MYO1H: variants seen among roughly 807,000 people sequenced by gnomAD.
MYO1H encodes the protein unconventional myosin-Ih.
Under a neutral mutation model 149.3 loss-of-function variants are expected in MYO1H, and 118 were observed. That is an observed-to-expected ratio of 0.79 (90% CI 0.68 to 0.92). The LOEUF is 0.92. Ranked by LOEUF, MYO1H falls within the 40% of genes least tolerant of loss-of-function variation. The pLI is 0.00. For missense variants in MYO1H, 1,212 were observed against 1,280.7 expected, an observed-to-expected ratio of 0.95 and a Z score of 0.82; for synonymous variants, 447 against 465.2, an observed-to-expected ratio of 0.96 and a Z score of 0.50.
intron 6 of MYO1H, among the ~76,000 whole-genome samples, chr12:109,402,248 C>T (rs1358308234): frequency 6.6e-6 from 1 of 152,220 alleles, no homozygotes; most frequent in African/African-American, 2.4e-5. Context: ...GATTGTAAGG[C>T]ACGTCTCAGC....
intron 5 of MYO1H, among the ~76,000 whole-genome samples, chr12:109,398,599 A>C (rs532204172): frequency 6.6e-6 from 1 of 151,722 alleles, no homozygotes; most frequent in Non-Finnish European, 1.5e-5. Flanking sequence ...AAATACAAAA[A>C]ATTAGCCATG....
At chr12:109,410,141 ATT>A in intron 12 of MYO1H, 73 bp downstream of exon 12, 3 of 725,756 alleles carry the variant, frequency 4.1e-6, no homozygotes, top group South Asian at 7.3e-5. Flanking sequence ...AATTTAATTA[ATT>A]TTTTTTTTAT....
At chr12:109,413,585 C>G (rs951283313) in intron 14 of MYO1H, among the ~76,000 whole-genome samples, 6 of 152,160 alleles carry the variant, frequency 3.9e-5, no homozygotes, top group Admixed American at 3.9e-4. Flanking sequence ...TCTATAACTG[C>G]ATGCAATGAT....
chr12:109,356,116 A>G (rs1266798263), intron 1 of MYO1H, among the ~76,000 whole-genome samples: 2 of 152,228 alleles, frequency 1.3e-5, no homozygotes, highest in Non-Finnish European at 2.9e-5. Flanking sequence ...TGAATAATTT[A>G]AAAGCCATGT....
At chr12:109,327,385 G>A in the MYO1H span, among the ~76,000 whole-genome samples, 1 of 150,892 alleles carries the variant, frequency 6.6e-6, no homozygotes, top group African/African-American at 2.4e-5. Flanking sequence ...CACCCGCCTC[G>A]GCCACTCAAA....
At chr12:109,314,890 A>T in the MYO1H span, among the ~76,000 whole-genome samples, 1 of 152,194 alleles carries the variant, frequency 6.6e-6, no homozygotes, top group Non-Finnish European at 1.5e-5. Context: ...ACTTGAGCCC[A>T]GGAATTCGAG....
intron 1 of MYO1H, among the ~76,000 whole-genome samples, chr12:109,361,613 T>G (rs1445010880): frequency 6.6e-6 from 1 of 151,896 alleles, no homozygotes; most frequent in Non-Finnish European, 1.5e-5. Context: ...CATGACCAGC[T>G]TGGCCAACAT....
chr12:109,324,091 C>G, the MYO1H span, among the ~76,000 whole-genome samples: 1 of 151,888 alleles, frequency 6.6e-6, no homozygotes, highest in Non-Finnish European at 1.5e-5. Context: ...AGGAAGACCC[C>G]AAGGCTGGGG....
intron 7 of MYO1H, among the ~76,000 whole-genome samples, 169 bp from the exon 8 acceptor site, chr12:109,405,753 C>T (rs1032593282): frequency 2.0e-5 from 3 of 152,136 alleles, no homozygotes; most frequent in South Asian, 2.1e-4. Flanking sequence ...AATAACAGGG[C>T]TGATTTCTGA....
intron 5 of MYO1H, 119 bp downstream of exon 5, chr12:109,397,931 T>C (rs78734547): frequency 1.4e-4 from 90 of 623,152 alleles, no homozygotes; most frequent in Non-Finnish European, 2.3e-4. Context: ...TTTAAAAAAA[T>C]ATCCAGGGTT....
the MYO1H span, among the ~76,000 whole-genome samples, chr12:109,326,124 C>T: frequency 1.3e-3 from 197 of 152,328 alleles, 1 homozygote; most frequent in African/African-American, 4.5e-3. Flanking sequence ...CAGTGCTTAC[C>T]TGAAGAGGTG....
At chr12:109,380,237 G>A (rs1382459633) in intron 1 of MYO1H, among the ~76,000 whole-genome samples, 1 of 152,112 alleles carries the variant, frequency 6.6e-6, no homozygotes, top group Non-Finnish European at 1.5e-5. Flanking sequence ...GGAGGAGGAT[G>A]AGAATGCAGA....
At chr12:109,443,751 C>G (rs1872352816) in intron 28 of MYO1H, 102 bp downstream of exon 28, 2 of 1,371,934 alleles carry the variant, frequency 1.5e-6, no homozygotes, top group Admixed American at 2.1e-5. Context: ...GTAGGGTGCC[C>G]ATAAACCCCG....
At chr12:109,403,554 C>T (rs1268007911) in intron 6 of MYO1H, among the ~76,000 whole-genome samples, 2 of 152,166 alleles carry the variant, frequency 1.3e-5, no homozygotes, top group African/African-American at 2.4e-5. Flanking sequence ...GCAGGAAAGG[C>T]TTCTTTCATC....
At chr12:109,371,470 C>T (rs973831789) in intron 1 of MYO1H, among the ~76,000 whole-genome samples, 7 of 152,030 alleles carry the variant, frequency 4.6e-5, no homozygotes, top group Non-Finnish European at 8.8e-5. Flanking sequence ...TGCCTGCCTA[C>T]GCCTTCCAAA....
chr12:109,318,484 C>T, the MYO1H span, among the ~76,000 whole-genome samples: 20 of 152,122 alleles, frequency 1.3e-4, no homozygotes, highest in Non-Finnish European at 2.6e-4. Flanking sequence ...ATGACCTTGA[C>T]CAAGTGATAA....
chr12:109,406,822 G>A, exon 9 of MYO1H: 1 of 1,613,664 alleles, frequency 6.2e-7, no homozygotes, highest in East Asian at 2.2e-5. Flanking sequence ...CCTTCTGGAA[G>A]CTCTCACCCA....
At chr12:109,391,636 C>T (rs1377589560) in intron 2 of MYO1H, among the ~76,000 whole-genome samples, 3 of 152,172 alleles carry the variant, frequency 2.0e-5, no homozygotes, top group Admixed American at 2.0e-4. Flanking sequence ...GAGGAATCGC[C>T]ACACTGTTTT....
Position 109,410,085 on chromosome 12 carries a change from T to G in MYO1H, c.1329+17T>G, listed in dbSNP as rs1312857550. 2 of 1,296,918 alleles carry G rather than the reference T, an allele frequency of 1.5e-6. No homozygotes were observed. The highest frequency in any genetic ancestry group is 2.1e-6 in the Non-Finnish European group (2 of 954,824). The allele number at this position is 1,296,918 out of a possible 1,614,324, so 80.3% of individuals were successfully genotyped here. A position where few individuals can be genotyped will look rare whatever the true frequency, so the allele number is the denominator to read the frequency against. On this transcript the variant is annotated intron_variant, in intron 12 of 31. Transcript: ENST00000310903. The stretch of plus-strand genomic sequence containing the variant: ...GGCATAGAGGTAAACATTTTGATGT[T>G]TTCTCCTCATCTGATTTCTTCATCT...
Sources: gnomAD v4.1 joint callset for allele counts (sites outside exome capture counted in the v4.1 genomes callset) on GRCh38, gnomAD v4.1.1 for gene constraint, MANE v1.5 for transcripts, NCBI Gene and HGNC (gene_info 2026-07-23, HGNC 2026-07-21) for gene names.